The following USP34 variants were observed in gnomAD, a reference collection of about 807,000 sequenced individuals.
USP34 encodes ubiquitin carboxyl-terminal hydrolase 34.
In USP34, 70 loss-of-function variants were observed where a neutral mutation model predicts 460.3. The ratio of observed to expected loss-of-function variants is 0.15; its 90% confidence interval spans 0.13 to 0.19. The LOEUF (loss-of-function observed/expected upper bound fraction) is 0.19. USP34 is among the 10% of genes least tolerant of loss of function. USP34 has a pLI of 1.00. For missense variants in USP34, 3,985 were observed against 4,236.2 expected, an observed-to-expected ratio of 0.94 and a Z score of 1.65; for synonymous variants, 1,647 against 1,405.3, an observed-to-expected ratio of 1.17 and a Z score of -3.85.
chr2:61,213,288 G>A (rs1004326533), intron 68 of USP34, among the ~76,000 whole-genome samples: 2 of 152,066 alleles, frequency 1.3e-5, no homozygotes, highest in South Asian at 2.1e-4. Flanking sequence ...GAAATTACAG[G>A]TGTGAGCCAC....
chr2:61,256,473 A>G lies in USP34; in HGVS notation c.6132T>C (p.Ser2044=), dbSNP rs187099955. 9.8e-5 allele frequency: 156 copies of G among 1,599,294 alleles called. No homozygotes were observed. The East Asian group carries it at 3.5e-3, about 36-fold the overall frequency. ...TGTCTTTTATAGTAACTTCATCAAG[A>G]GATTCCTGTGTATAAAACCACATTT... is the stretch of plus-strand genomic sequence containing the variant. ...QVADMKNIYE[S]LDEVTIKDTL... Residue 2044 remains serine, a synonymous_variant, in exon 48 of 80, where the codon TCT becomes TCC. Coordinates refer to ENST00000398571, the MANE Select transcript of USP34 (RefSeq NM_014709.4).
intron 10 of USP34, among the ~76,000 whole-genome samples, chr2:61,364,936 AT>A (rs1219570732): frequency 8.7e-5 from 13 of 148,776 alleles, no homozygotes; most frequent in Non-Finnish European, 1.6e-4. Flanking sequence ...TCTCAAAAAA[AT>A]AATTTAAAAA....
At chr2:61,323,921 T>C (rs1381050607) in intron 21 of USP34, among the ~76,000 whole-genome samples, 1 of 152,166 alleles carries the variant, frequency 6.6e-6, no homozygotes, top group African/African-American at 2.4e-5. Flanking sequence ...TGAAATCTGT[T>C]ATCCCAGTGT....
intron 23 of USP34, among the ~76,000 whole-genome samples, chr2:61,316,200 G>T (rs1168121381): frequency 1.3e-5 from 2 of 151,620 alleles, no homozygotes; most frequent in African/African-American, 4.8e-5. Flanking sequence ...TGATACTGAA[G>T]CAAGGGTTAG....
rs184330649 is a variant in USP34, at chr2:61,243,690, G to A, written c.6627+1520C>T. ...GATCAAGACCATCCTAGCCAACATG[G>A]TGAAACCCCGTCTCCACTTAAAACA... On this transcript the variant is annotated intron_variant, in intron 51 of 79. Coordinates refer to ENST00000398571, the MANE Select transcript of USP34 (RefSeq NM_014709.4). 5.7e-3 allele frequency among the ~76,000 whole-genome samples: 866 copies of A among 151,762 alleles called. 3 individuals carry two copies. Among genetic ancestry groups the A allele is most frequent in the Non-Finnish European group, 8.0e-3 (543 of 67,920 alleles).
In USP34 at chr2:61,300,932, G is replaced by A; in HGVS notation, c.4128+19C>T. On this transcript the variant is annotated intron_variant, in intron 29 of 79. Coordinates refer to ENST00000398571, the MANE Select transcript of USP34 (RefSeq NM_014709.4). ...AACAGAGACACAAAACAAGATTTGT[G>A]AAAATGAAACATAGTCACCTCACTA... 1 of 1,560,130 alleles carries A rather than the reference G, an allele frequency of 6.4e-7. No individual in the cohort carries two copies. The highest frequency in any genetic ancestry group is 8.7e-7 in the Non-Finnish European group (1 of 1,147,524).
At chr2:61,288,609 T>C in intron 34 of USP34, 68 bp downstream of exon 34, 3 of 1,498,296 alleles carry the variant, frequency 2.0e-6, no homozygotes, top group Non-Finnish European at 2.8e-6. Flanking sequence ...TTCTTAAGCA[T>C]TAGCATATTT....
chr2:61,348,734 G>A (rs759826885), intron 14 of USP34, 22 bp downstream of exon 14: 1 of 1,602,590 alleles, frequency 6.2e-7, no homozygotes, highest in South Asian at 1.1e-5. Flanking sequence ...GCCTATAAAA[G>A]AAGAAAAACC....
chr2:61,281,150 T>C lies in USP34; in HGVS notation c.5091A>G (p.Leu1697=), dbSNP rs143014082. The C allele has an allele frequency of 3.8e-3, 6,204 of 1,613,890 alleles. 18 individuals carry two copies. Among genetic ancestry groups the C allele is most frequent in the Non-Finnish European group, 4.4e-3 (5,168 of 1,179,906 alleles). ...GGDSINRSFL[L]LAASTLLKFL... ...ATTTCAATAATGTTGAGGCAGCCAA[T>C]AGCAGAAAAGAACGATTGATTGAGT... The change falls in exon 38 of 80, where the codon CTA becomes CTG. Residue 1697 remains leucine, a synonymous_variant. Coordinates refer to ENST00000398571, the MANE Select transcript of USP34 (RefSeq NM_014709.4).
At chr2:61,208,135 G>A (rs968988777) in intron 70 of USP34, 14 of 152,246 alleles carry the variant, frequency 9.2e-5, no homozygotes, top group Non-Finnish European at 1.5e-5. Context: ...CTTCAAGCTG[G>A]GAACCGCTCA....
intron 75 of USP34, among the ~76,000 whole-genome samples, chr2:61,195,056 C>G (rs1686758657): frequency 6.7e-6 from 1 of 149,608 alleles, no homozygotes; most frequent in South Asian, 2.1e-4. Flanking sequence ...CCCGTCTCTA[C>G]TAAAAATACA....
chr2:61,378,202 C>A (rs922521745), intron 8 of USP34, among the ~76,000 whole-genome samples, 161 bp downstream of exon 8: 2 of 152,004 alleles, frequency 1.3e-5, no homozygotes, highest in African/African-American at 4.8e-5. Context: ...AGTTATGTTA[C>A]AGACAGCATA....
intron 8 of USP34, among the ~76,000 whole-genome samples, chr2:61,374,921 G>A (rs1692745424): frequency 6.6e-6 from 1 of 152,010 alleles, no homozygotes; most frequent in Admixed American, 6.6e-5. Context: ...CAAGAATATA[G>A]GAAACAGACA....
intron 1 of USP34, among the ~76,000 whole-genome samples, chr2:61,465,353 G>A (rs1695730130): frequency 6.6e-6 from 1 of 152,026 alleles, no homozygotes; most frequent in Admixed American, 6.6e-5. Context: ...CAGGACTAGA[G>A]GTATAACTAA....
At chr2:61,421,811 A>C (rs541001976) in intron 1 of USP34, among the ~76,000 whole-genome samples, 12 of 149,170 alleles carry the variant, frequency 8.0e-5, no homozygotes, top group African/African-American at 2.9e-4. Context: ...GCGCGCGCGC[A>C]CCTTCTACTT....
intron 75 of USP34, among the ~76,000 whole-genome samples, chr2:61,201,773 T>C (rs1351372730): frequency 6.6e-6 from 1 of 152,242 alleles, no homozygotes; most frequent in Admixed American, 6.5e-5. Context: ...GTAGCTAGAA[T>C]AGTTCCTCAC....
At chr2:61,223,369 C>A in intron 62 of USP34, 73 bp from the exon 63 acceptor site, 5 of 1,426,332 alleles carry the variant, frequency 3.5e-6, no homozygotes, top group South Asian at 2.5e-5. Flanking sequence ...CAACATGTAT[C>A]AAAAATTGTT....
At chr2:61,281,834 A>G (rs1274413427) in intron 37 of USP34, among the ~76,000 whole-genome samples, 3 of 152,192 alleles carry the variant, frequency 2.0e-5, no homozygotes, top group Admixed American at 1.3e-4. Context: ...TTTACAAGTC[A>G]GTAAGAGGAT....
chr2:61,385,504 T>C (rs1182899456), intron 5 of USP34, among the ~76,000 whole-genome samples: 1 of 151,020 alleles, frequency 6.6e-6, no homozygotes, highest in Non-Finnish European at 1.5e-5. Context: ...ACCCCATCTC[T>C]ACTAAAAATA....
Sources: gnomAD v4.1 joint callset for allele counts (sites outside exome capture counted in the v4.1 genomes callset) on GRCh38, gnomAD v4.1.1 for gene constraint, MANE v1.5 for transcripts, NCBI Gene and HGNC (gene_info 2026-07-23, HGNC 2026-07-21) for gene names.